CFAP46: variants seen among roughly 807,000 people sequenced by gnomAD.
CFAP46 encodes cilia- and flagella-associated protein 46.
Under a neutral mutation model 325.7 loss-of-function variants are expected in CFAP46, and 245 were observed. The ratio of observed to expected loss-of-function variants is 0.75; its 90% CI spans 0.68 to 0.84. CFAP46 has a LOEUF of 0.84. CFAP46 is among the 40% of genes least tolerant of loss of function. The probability of loss-of-function intolerance (pLI) is 0.00; values close to 1 mark genes in which losing one functional copy is unlikely to be tolerated. For synonymous variants in CFAP46, 1,523 were observed against 1,495.9 expected, an observed-to-expected ratio of 1.02 and a Z score of -0.42; for missense variants, 3,346 against 3,543.0, an observed-to-expected ratio of 0.94 and a Z score of 1.41.
intron 37 of CFAP46, among the ~76,000 whole-genome samples, chr10:132,859,877 A>T (rs1406117716): frequency 2.6e-5 from 4 of 152,238 alleles, no homozygotes; most frequent in Admixed American, 2.6e-4. Context: ...CAACATGGTG[A>T]AACCCCATCT....
chr10:132,813,497 G>A (rs1847625844), intron 54 of CFAP46, among the ~76,000 whole-genome samples: 1 of 139,524 alleles, frequency 7.2e-6, no homozygotes, highest in Non-Finnish European at 1.6e-5. Context: ...ACCTGCCCCT[G>A]CACACACCTG....
rs764130786 is a variant in CFAP46 at position 132,834,073 on chromosome 10, T to C, written c.6917A>G (p.Asp2306Gly). ...TCCTGTGGACGTTTTCCTCTCCTTG[T>C]CTTTGCCCTTCGACTTCCCTGAATC... is the stretch of plus-strand genomic sequence containing the variant. ...VADSGKSKGK[D>G]KERKTSTGQH... The change falls in exon 49 of 58, where the codon GAC becomes GGC. Residue 2306 changes from aspartate to glycine, a missense_variant. Physicochemically the swap from Asp to Gly is moderately conservative, Grantham distance 94 (BLOSUM62 -1). Transcript: ENST00000368586. 2 of 1,614,142 alleles carry C rather than the reference T, an allele frequency of 1.2e-6. No homozygotes were observed. Among genetic ancestry groups the C allele is most frequent in the Admixed American group, 1.7e-5 (1 of 60,016 alleles).
chr10:132,814,607 C>T lies in CFAP46; in HGVS notation c.7255G>A (p.Val2419Met), dbSNP rs746717424. 3.6e-5 allele frequency: 57 copies of T among 1,574,982 alleles called. No individual in the cohort carries two copies. Among genetic ancestry groups the T allele is most frequent in the Middle Eastern group, 1.7e-4 (1 of 5,878 alleles). Residue 2419 changes from valine (V) to methionine (M), a missense_variant, in exon 53 of 58, where the codon GTG (valine) becomes ATG (methionine). Val to Met is a conservative substitution (Grantham distance 21). Transcript: ENST00000368586. ...IVDSDNFKFV[V>M]DPYEEAQGPE... ...CCCTGGGCCTCCTCGTATGGGTCCA[C>T]GACGACTGGGTCCCGGTCAAGGAGA...
At chr10:132,898,892 G>A (rs969242269) in intron 24 of CFAP46, 67 bp downstream of exon 24, 13 of 1,524,064 alleles carry the variant, frequency 8.5e-6, no homozygotes, top group East Asian at 2.5e-5. Flanking sequence ...GAGTCTCTCC[G>A]GTCCTTTCTG....
At position 132,877,080 on chromosome 10, in the gene CFAP46, C is replaced by G; in HGVS notation, c.4213-119G>C. On this transcript the variant is annotated intron_variant, in intron 30 of 57. Coordinates refer to ENST00000368586, the MANE Select transcript of CFAP46 (RefSeq NM_001200049.3). This position sits in a 1 kb window ranked among gnomAD's most constrained non-coding sequence, Gnocchi z 5.7. Reference sequence around the variant, plus strand: ...CACAGCCCTGGGCAGCCGGCATCCTCCCCACCACCAGGTCCCAGCGAGTGC... The same window carrying G: ...CACAGCCCTGGGCAGCCGGCATCCTGCCCACCACCAGGTCCCAGCGAGTGC... 1 of 978,410 alleles carries G rather than the reference C, an allele frequency of 1.0e-6. No individual in the cohort carries two copies. Among genetic ancestry groups the G allele is most frequent in the Non-Finnish European group, 1.5e-6 (1 of 667,430 alleles). 60.6% of individuals were successfully genotyped at this position (978,410 alleles called of 1,614,324 possible).
chr10:132,888,198 A>G (rs1422197052), intron 25 of CFAP46, among the ~76,000 whole-genome samples: 1 of 151,784 alleles, frequency 6.6e-6, no homozygotes, highest in Non-Finnish European at 1.5e-5. Context: ...GTGGGCACCA[A>G]TGCGGGCTCC....
chr10:132,870,280 A>T (rs548975027), intron 32 of CFAP46, among the ~76,000 whole-genome samples: 1 of 152,180 alleles, frequency 6.6e-6, no homozygotes, highest in African/African-American at 2.4e-5. Flanking sequence ...CCTATTCCCC[A>T]AGACACAGAA....
intron 50 of CFAP46, among the ~76,000 whole-genome samples, chr10:132,822,819 CTGTGTGT>C (rs1365488790): frequency 2.0e-5 from 1 of 49,330 alleles, no homozygotes; most frequent in African/African-American, 5.6e-5. Context: ...GTGCTGTGTG[CTGTGTGT>C]GCTGATGTGT....
Position 132,889,502 on chromosome 10 carries a change from C to T in CFAP46, c.3304+2831G>A, listed in dbSNP as rs1001366849. On this transcript the variant is annotated intron_variant, in intron 25 of 57. Transcript: ENST00000368586. The surrounding 1 kb of genome is among the most constrained non-coding windows in gnomAD (Gnocchi z 6.0). ...ACTTGGGAACCCTGAGCCCTGCTTC[C>T]TCCTGCTTGAATTCATTAAACCAGG... 2.6e-5 allele frequency among the ~76,000 whole-genome samples: 4 copies of T among 152,222 alleles called. No individual in the cohort carries two copies. The highest frequency in any genetic ancestry group is 9.6e-5 in the African/African-American group (4 of 41,460).
At chr10:132,814,798 C>A in intron 51 of CFAP46, 46 bp downstream of exon 51, 2 of 1,613,768 alleles carry the variant, frequency 1.2e-6, no homozygotes, top group Non-Finnish European at 1.7e-6. Flanking sequence ...GCCTGACCTC[C>A]CGCTGTGCCC....
chr10:132,826,886 T>C (rs1298004224), intron 50 of CFAP46, among the ~76,000 whole-genome samples: 1 of 152,174 alleles, frequency 6.6e-6, no homozygotes. Flanking sequence ...GCCCTGGCTT[T>C]GCAGTACAGT....
intron 10 of CFAP46, 24 bp from the exon 11 acceptor site, chr10:132,924,910 C>A: frequency 7.3e-7 from 1 of 1,364,068 alleles, no homozygotes; most frequent in Non-Finnish European, 9.5e-7. Flanking sequence ...GTGGGGGATT[C>A]TAGGGAGGTT....
chr10:132,917,516 G>T (rs913332503), intron 16 of CFAP46, among the ~76,000 whole-genome samples: 1 of 152,232 alleles, frequency 6.6e-6, no homozygotes, highest in African/African-American at 2.4e-5. Context: ...AGGGACCCTG[G>T]ACATCACGCC....
intron 50 of CFAP46, among the ~76,000 whole-genome samples, chr10:132,815,616 C>T (rs530298611): frequency 2.0e-5 from 3 of 152,222 alleles, no homozygotes; most frequent in Non-Finnish European, 4.4e-5. Context: ...TCTAGGACAT[C>T]TGTACGTTTT....
At chr10:132,874,579 G>A (rs1479821757) in intron 31 of CFAP46, among the ~76,000 whole-genome samples, 6 of 30,548 alleles carry the variant, frequency 2.0e-4, no homozygotes, top group African/African-American at 4.0e-4. Flanking sequence ...AATTATTAGC[G>A]AATAGAAATA....
Position 132,814,369 on chromosome 10 carries a change from G to A in CFAP46, c.7286-115C>T, listed in dbSNP as rs140946494. 6.0e-4 allele frequency: 631 copies of A among 1,059,494 alleles called. 1 individual carries two copies. The highest frequency in any genetic ancestry group is 7.2e-4 in the Non-Finnish European group (516 of 715,140). 65.6% of individuals were successfully genotyped at this position (1,059,494 alleles called of 1,614,324 possible). On this transcript the variant is annotated intron_variant, in intron 53 of 57. Coordinates refer to ENST00000368586, the MANE Select transcript of CFAP46 (RefSeq NM_001200049.3). ...ATGCAGGCGCATATATCAGTGCCCTGCCATGCCCGGGTGGGGTGATGGTAG... is the reference window on the plus strand; with the variant it reads ...ATGCAGGCGCATATATCAGTGCCCTACCATGCCCGGGTGGGGTGATGGTAG...
chr10:132,862,706 C>A (rs1349145125), intron 35 of CFAP46, among the ~76,000 whole-genome samples: 1 of 151,556 alleles, frequency 6.6e-6, no homozygotes, highest in East Asian at 2.0e-4. Context: ...GGGGTGCCAC[C>A]AGCAGGACGG....
chr10:132,822,797 G>C (rs1341889771), intron 50 of CFAP46, among the ~76,000 whole-genome samples: 2 of 141,748 alleles, frequency 1.4e-5, no homozygotes, highest in African/African-American at 2.7e-5. Context: ...TGTGCTGTGT[G>C]TGTGCTGATG....
Position 132,833,388 on chromosome 10 carries a change from G to C in CFAP46, c.7087C>G (p.Leu2363Val). 6.2e-7 allele frequency: 1 copy of C among 1,614,126 alleles called. No homozygotes were observed. The highest frequency in any genetic ancestry group is 8.5e-7 in the Non-Finnish European group (1 of 1,180,024). The change falls in exon 50 of 58, where the codon CTG (leucine) becomes GTG (valine). Residue 2363 changes from leucine (L) to valine (V), a missense_variant. Transcript: ENST00000368586. ...TCTTCTTTATGGAGGCGATTCCACAGCATTTGAAGAGAAAATTCTCGTGAC... is the reference window on the plus strand; with the variant it reads ...TCTTCTTTATGGAGGCGATTCCACACCATTTGAAGAGAAAATTCTCGTGAC... Reference protein sequence around the residue: ...SVSREFSLQMLWNRLHKEETE... With the variant: ...SVSREFSLQMVWNRLHKEETE...
Sources: allele counts gnomAD v4.1 joint callset (sites outside exome capture counted in the v4.1 genomes callset), GRCh38; gene constraint gnomAD v4.1.1; non-coding constraint Gnocchi (gnomAD v3.1); transcripts MANE v1.5; gene names NCBI Gene and HGNC (gene_info 2026-07-23, HGNC 2026-07-21).